The following FAAH2 variants were observed in gnomAD, a reference collection of about 807,000 sequenced individuals.
The protein encoded by FAAH2 is fatty-acid amide hydrolase 2.
In FAAH2, 60 loss-of-function variants were observed where a neutral mutation model predicts 36.9. That is an observed-to-expected ratio of 1.63 (90% CI 1.32 to 2.02). The LOEUF is 2.02. FAAH2 is among the 30% of genes most tolerant of loss of function. The pLI is 0.00. For missense variants in FAAH2, 689 were observed against 397.5 expected, an observed-to-expected ratio of 1.73 and a Z score of -6.23; for synonymous variants, 214 against 143.8, an observed-to-expected ratio of 1.49 and a Z score of -3.49.
At chrX:57,352,077 T>C (rs2054026949) in intron 5 of FAAH2, among the ~76,000 whole-genome samples, 1 of 34,295 alleles carries the variant, frequency 2.9e-5, no homozygotes, top group African/African-American at 1.2e-4. Flanking sequence ...CACATATATA[T>C]ATGTGTATAT....
intron 5 of FAAH2, among the ~76,000 whole-genome samples, chrX:57,355,069 A>T (rs1474804573): frequency 9.1e-6 from 1 of 110,344 alleles, no homozygotes; most frequent in Admixed American, 9.7e-5. Context: ...ATTTTTTTGA[A>T]TTTGAATTGT....
chrX:57,258,893 T>G, the FAAH2 span, among the ~76,000 whole-genome samples: 7 of 108,102 alleles, frequency 6.5e-5, no homozygotes, highest in Non-Finnish European at 1.1e-4. Context: ...TTTTTTTTTT[T>G]GGATTTTTAG....
At chrX:57,330,794 C>T (rs4275352) in intron 3 of FAAH2, among the ~76,000 whole-genome samples, 39,773 of 110,003 alleles carry the variant, frequency 0.36, 6,240 homozygotes, top group Middle Eastern at 0.61. Flanking sequence ...ATGTGACTAT[C>T]GGGGCAGGTT....
rs1226062401 is a variant in FAAH2 at position 57,442,801 on chromosome X, C to T, written c.1117-4127C>T. On this transcript the variant is annotated intron_variant, in intron 8 of 10. Transcript: ENST00000374900. ...CCTTCAGGAGCTCTTGTAAGGCAGG[C>T]CTGGTGGTGACAAAATCTCTCGGCA... Among the ~76,000 whole-genome samples the T allele has an allele frequency of 6.3e-5, 7 of 111,461 alleles. No individual in the cohort carries two copies. The East Asian group carries it at 1.4e-3, about 22-fold the overall frequency.
intron 10 of FAAH2, among the ~76,000 whole-genome samples, chrX:57,460,284 T>A (rs2056935242): frequency 1.8e-5 from 2 of 111,084 alleles, no homozygotes; most frequent in Admixed American, 1.9e-4. Context: ...CACACGAACA[T>A]TCAAATTCAG....
upstream of FAAH2, among the ~76,000 whole-genome samples, chrX:57,283,703 C>T (rs1357308907): frequency 9.0e-6 from 1 of 110,979 alleles, no homozygotes; most frequent in Non-Finnish European, 1.9e-5. Context: ...CTGGGCTCCT[C>T]TCTGTATGGT....
the FAAH2 span, among the ~76,000 whole-genome samples, chrX:57,160,034 A>G: frequency 8.9e-6 from 1 of 111,969 alleles, no homozygotes; most frequent in African/African-American, 3.2e-5. Flanking sequence ...TTTATTGAGA[A>G]TTTTTAGCAT....
At chrX:57,440,189 G>A (rs1223469879) in intron 8 of FAAH2, among the ~76,000 whole-genome samples, 4 of 111,140 alleles carry the variant, frequency 3.6e-5, no homozygotes, top group Non-Finnish European at 7.5e-5. Context: ...AATTACCTTG[G>A]GCAGTATGAC....
chrX:57,242,310 C>T, the FAAH2 span, among the ~76,000 whole-genome samples: 1 of 112,378 alleles, frequency 8.9e-6, no homozygotes, highest in African/African-American at 3.2e-5. Flanking sequence ...GATACCCAGG[C>T]AAACAGGGTC....
the FAAH2 span, among the ~76,000 whole-genome samples, chrX:57,274,858 C>T: frequency 5.4e-5 from 6 of 111,885 alleles, no homozygotes; most frequent in East Asian, 2.8e-4. Context: ...GACAAGGATG[C>T]CTCTCTCATC....
chrX:57,154,051 T>C, the FAAH2 span, among the ~76,000 whole-genome samples: 1 of 111,937 alleles, frequency 8.9e-6, no homozygotes, highest in Non-Finnish European at 1.9e-5. Flanking sequence ...GCTTTGTTCA[T>C]TTAAAAATTT....
chrX:57,303,220 A>T (rs1164888840), intron 2 of FAAH2, among the ~76,000 whole-genome samples: 5 of 111,898 alleles, frequency 4.5e-5, no homozygotes, highest in Admixed American at 3.8e-4. Flanking sequence ...GTCTTGCATG[A>T]ACAAATATTG....
chrX:57,467,386 C>T (rs1014654301), intron 10 of FAAH2, among the ~76,000 whole-genome samples: 1 of 111,315 alleles, frequency 9.0e-6, no homozygotes, highest in Non-Finnish European at 1.9e-5. Flanking sequence ...CCTTGAAAAT[C>T]GGGTCACTCC....
At position 57,307,223 on chromosome X, in the gene FAAH2, A is replaced by G. The variant is rs772241150; in HGVS notation, c.276-3370A>G. Among the ~76,000 whole-genome samples, 100 of 106,508 alleles carry G rather than the reference A, an allele frequency of 9.4e-4. 1 individual carries two copies. The highest frequency in any genetic ancestry group is 3.3e-3 in the African/African-American group (98 of 29,859). The allele number at this position is 106,508 out of a possible 115,157, so 92.5% of individuals were successfully genotyped here. ...GGGGTTCTTCTTCTCTATAATAAGA[A>G]GCATTAGTAGTATCAGTGATAGTTA... is the stretch of plus-strand genomic sequence containing the variant. On this transcript the variant is annotated intron_variant, in intron 2 of 10. Transcript: ENST00000374900.
intron 4 of FAAH2, among the ~76,000 whole-genome samples, chrX:57,332,356 G>A (rs1282554091): frequency 3.6e-5 from 4 of 112,121 alleles, no homozygotes; most frequent in Non-Finnish European, 7.5e-5. Context: ...TCAGGTTTCT[G>A]GTCTAGCATA....
At chrX:57,352,134 A>G (rs1363262292) in intron 5 of FAAH2, among the ~76,000 whole-genome samples, 2 of 74,290 alleles carry the variant, frequency 2.7e-5, no homozygotes, top group African/African-American at 5.0e-5. Flanking sequence ...ATATATATAT[A>G]TGTGTATATA....
intron 10 of FAAH2, among the ~76,000 whole-genome samples, chrX:57,479,007 T>A (rs1352614477): frequency 2.7e-5 from 3 of 111,718 alleles, no homozygotes; most frequent in Non-Finnish European, 3.8e-5. Context: ...TAAAGTAGTT[T>A]TTCCCAATTC....
chrX:57,166,898 G>T, the FAAH2 span, among the ~76,000 whole-genome samples: 1 of 112,063 alleles, frequency 8.9e-6, no homozygotes, highest in South Asian at 3.7e-4. Context: ...TAATTTTGCA[G>T]CCAATTCAGA....
chrX:57,314,130 G>T (rs1479190665), intron 3 of FAAH2, among the ~76,000 whole-genome samples: 1 of 111,341 alleles, frequency 9.0e-6, no homozygotes, highest in Non-Finnish European at 1.9e-5. Flanking sequence ...ACAACAATCA[G>T]GAAATACAAA....
Sources: allele counts gnomAD v4.1 joint callset (sites outside exome capture counted in the v4.1 genomes callset), GRCh38; gene constraint gnomAD v4.1.1; transcripts MANE v1.5; gene names NCBI Gene and HGNC (gene_info 2026-07-23, HGNC 2026-07-21).